EYA2: variants seen among roughly 807,000 people sequenced by gnomAD.
EYA2 encodes protein phosphatase EYA2.
A neutral mutation model predicts 69.2 loss-of-function variants in EYA2; 31 were observed. The observed-to-expected ratio is 0.45, with a 90% CI of 0.34 to 0.60. The LOEUF (loss-of-function observed/expected upper bound fraction) is 0.60. EYA2 is among the 20% of genes least tolerant of loss of function. The pLI, the probability that EYA2 is intolerant of heterozygous loss-of-function variation, is 0.02. For synonymous variants in EYA2, 257 were observed against 279.4 expected (o/e 0.92, Z 0.80); for missense variants, 622 against 701.2 (o/e 0.89, Z 1.28).
At chr20:47,130,792 A>G (rs1266073317) in intron 9 of EYA2, among the ~76,000 whole-genome samples, 1 of 152,162 alleles carries the variant, frequency 6.6e-6, no homozygotes, top group Non-Finnish European at 1.5e-5. Flanking sequence ...TTCAGTATTT[A>G]TCAAAACCAT....
At chr20:46,923,000 A>G (rs1985247723) in intron 1 of EYA2, among the ~76,000 whole-genome samples, 1 of 152,184 alleles carries the variant, frequency 6.6e-6, no homozygotes, top group Non-Finnish European at 1.5e-5. Context: ...AATGAGGAAC[A>G]TTCCATTTCA....
At chr20:47,014,498 G>C (rs1983280870) in intron 4 of EYA2, among the ~76,000 whole-genome samples, 1 of 152,186 alleles carries the variant, frequency 6.6e-6, no homozygotes. Flanking sequence ...TGACTGGAGA[G>C]AATGTCACCT....
chr20:46,988,746 G>A (rs938610298), intron 1 of EYA2, among the ~76,000 whole-genome samples: 1 of 152,170 alleles, frequency 6.6e-6, no homozygotes, highest in Non-Finnish European at 1.5e-5. Flanking sequence ...CTGTCACAGA[G>A]GCTGGAAGGC....
chr20:47,122,460 A>T (rs2033078900), intron 9 of EYA2, among the ~76,000 whole-genome samples: 1 of 148,078 alleles, frequency 6.8e-6, no homozygotes, highest in South Asian at 2.1e-4. Flanking sequence ...CACCCGGCTA[A>T]TTTTTTTTTT....
intron 10 of EYA2, among the ~76,000 whole-genome samples, chr20:47,166,157 C>T (rs1251175750): frequency 1.3e-5 from 2 of 151,792 alleles, no homozygotes; most frequent in African/African-American, 4.8e-5. Flanking sequence ...CTTAGCACTT[C>T]GGGAGGCCAA....
intron 10 of EYA2, among the ~76,000 whole-genome samples, chr20:47,156,093 C>CACACACACACATATATATACAT (rs1568813985): frequency 8.7e-5 from 1 of 11,482 alleles, no homozygotes; most frequent in Non-Finnish European, 1.3e-4. Flanking sequence ...TATACATACA[C>CACACACACACATATATATACAT]ACACACACAC....
intron 1 of EYA2, among the ~76,000 whole-genome samples, chr20:46,897,454 T>A (rs1299591942): frequency 3.9e-5 from 6 of 152,242 alleles, no homozygotes; most frequent in Non-Finnish European, 7.3e-5. Context: ...TTTTTTCAGT[T>A]ACTTTTCCAA....
chr20:47,183,220 A>T, intron 14 of EYA2, 71 bp from the exon 15 acceptor site: 1 of 1,441,826 alleles, frequency 6.9e-7, no homozygotes, highest in Non-Finnish European at 9.7e-7. Context: ...CCAAGCTCTT[A>T]ATGAGCGGGT....
intron 5 of EYA2, among the ~76,000 whole-genome samples, chr20:47,037,226 C>A (rs1021392805): frequency 2.0e-5 from 3 of 152,260 alleles, no homozygotes; most frequent in African/African-American, 7.2e-5. Context: ...CCAAGTCTCT[C>A]CCTTGACACC....
intron 1 of EYA2, chr20:46,901,397 G>A (rs1984098728): frequency 6.6e-6 from 1 of 152,102 alleles, no homozygotes; most frequent in Admixed American, 6.5e-5. Flanking sequence ...ATGTTTTCTA[G>A]CATTTAAGAT....
At chr20:47,056,730 G>C (rs920758914) in intron 5 of EYA2, among the ~76,000 whole-genome samples, 3 of 152,170 alleles carry the variant, frequency 2.0e-5, no homozygotes, top group African/African-American at 7.2e-5. Flanking sequence ...CAAGGAGACA[G>C]GACCCTGCTC....
chr20:47,096,780 A>G (rs2032259139), intron 8 of EYA2, among the ~76,000 whole-genome samples: 1 of 152,178 alleles, frequency 6.6e-6, no homozygotes, highest in Non-Finnish European at 1.5e-5. Flanking sequence ...AACGAGTTAT[A>G]TGATTTTCGT....
chr20:46,988,687 C>T (rs1041366545), intron 1 of EYA2, among the ~76,000 whole-genome samples: 1 of 152,162 alleles, frequency 6.6e-6, no homozygotes, highest in Non-Finnish European at 1.5e-5. Flanking sequence ...ATTTTCTAAA[C>T]CCAGTGGGTG....
At chr20:46,895,844 C>T (rs1198321559) in intron 1 of EYA2, among the ~76,000 whole-genome samples, 1 of 152,184 alleles carries the variant, frequency 6.6e-6, no homozygotes, top group Non-Finnish European at 1.5e-5. Flanking sequence ...ACTCAGTGCG[C>T]TTTTCTCAGC....
At chr20:47,183,189 T>G in intron 14 of EYA2, 102 bp from the exon 15 acceptor site, 1 of 1,045,046 alleles carries the variant, frequency 9.6e-7, no homozygotes, top group Non-Finnish European at 1.4e-6. Context: ...TACCGGGCCT[T>G]TGGGAGCACA....
intron 5 of EYA2, among the ~76,000 whole-genome samples, chr20:47,045,670 C>T (rs1417010355): frequency 2.0e-5 from 3 of 152,202 alleles, no homozygotes; most frequent in Non-Finnish European, 2.9e-5. Flanking sequence ...TATCCGTCTA[C>T]ATGAGCAATG....
intron 9 of EYA2, among the ~76,000 whole-genome samples, chr20:47,120,906 T>A (rs1299585807): frequency 6.6e-6 from 1 of 152,254 alleles, no homozygotes; most frequent in Non-Finnish European, 1.5e-5. Flanking sequence ...CAGATAATAC[T>A]GGCCTCATCG....
chr20:47,167,280 C>CTTTTTTTTTTTT (rs11470455), intron 10 of EYA2, among the ~76,000 whole-genome samples: 2 of 111,726 alleles, frequency 1.8e-5, no homozygotes, highest in Non-Finnish European at 3.4e-5. Flanking sequence ...GGTTTTTTTA[C>CTTTTTTTTTTTT]TTTTTTTTTT....
intron 1 of EYA2, among the ~76,000 whole-genome samples, chr20:46,898,891 A>G (rs1983951743): frequency 6.6e-6 from 1 of 152,106 alleles, no homozygotes; most frequent in African/African-American, 2.4e-5. Context: ...TTTAGTGCAT[A>G]TTTCTTTTTG....
Sources: allele counts gnomAD v4.1 joint callset (sites outside exome capture counted in the v4.1 genomes callset), GRCh38; gene constraint gnomAD v4.1.1; transcripts MANE v1.5; gene names NCBI Gene and HGNC (gene_info 2026-07-23, HGNC 2026-07-21).